The following TPH2 variants were observed in gnomAD, a reference collection of about 807,000 sequenced individuals.
The protein encoded by TPH2 is tryptophan hydroxylase 2.
In TPH2, 27 loss-of-function variants were observed where a neutral mutation model predicts 59.1. The ratio of observed to expected loss-of-function variants is 0.46; its 90% confidence interval spans 0.34 to 0.63. TPH2 has a LOEUF of 0.63. Among genes scored for constraint, TPH2 ranks in the 30% least tolerant of loss-of-function variants. The pLI, the probability that TPH2 is intolerant of heterozygous loss-of-function variation, is 0.01. For synonymous variants in TPH2, 220 were observed against 210.5 expected (o/e 1.05, Z -0.39); for missense variants, 523 against 588.3 (o/e 0.89, Z 1.15).
chr12:71,970,772 C>T (rs547995676), intron 5 of TPH2, among the ~76,000 whole-genome samples: 2 of 152,268 alleles, frequency 1.3e-5, no homozygotes, highest in African/African-American at 4.8e-5. Context: ...AAATATTTGC[C>T]AGGTTGTAAT....
chr12:72,030,334 T>C (rs1873686992), intron 9 of TPH2, among the ~76,000 whole-genome samples: 1 of 152,130 alleles, frequency 6.6e-6, no homozygotes, highest in South Asian at 2.1e-4. Context: ...CCAAATGAAA[T>C]TGAGACCCTG....
At chr12:72,023,697 C>T (rs867070897) in intron 9 of TPH2, among the ~76,000 whole-genome samples, 29 of 151,552 alleles carry the variant, frequency 1.9e-4, no homozygotes, top group Admixed American at 2.6e-4. Flanking sequence ...GGCATGATGG[C>T]GGGTACCTGT....
At chr12:72,004,383 A>C (rs1004900182) in intron 8 of TPH2, among the ~76,000 whole-genome samples, 7 of 150,448 alleles carry the variant, frequency 4.7e-5, no homozygotes, top group African/African-American at 1.7e-4. Flanking sequence ...TGTCATACCC[A>C]GGTCTGGAAA....
At chr12:72,008,601 C>T (rs1274005885) in intron 8 of TPH2, among the ~76,000 whole-genome samples, 1 of 152,264 alleles carries the variant, frequency 6.6e-6, no homozygotes, top group East Asian at 1.9e-4. Context: ...CACACACATT[C>T]GGTGCTTAAT....
At chr12:71,957,127 C>T (rs1204735336) in intron 5 of TPH2, among the ~76,000 whole-genome samples, 1 of 152,096 alleles carries the variant, frequency 6.6e-6, no homozygotes, top group Non-Finnish European at 1.5e-5. Flanking sequence ...CTCTCTAATT[C>T]TCAAGCTGTC....
Position 71,972,602 on chromosome 12 carries a change from A to G in TPH2, c.692A>G (p.Tyr231Cys). Residue 231 changes from tyrosine to cysteine, a missense_variant, in exon 6 of 11, where the codon TAT becomes TGT. Transcript: ENST00000333850. Reference sequence around the variant, plus strand: ...GTATTCCGGGAGCTCTCCAAACTCTATCCCACTCATGCTTGCCGAGAGTAT... The same window carrying G: ...GTATTCCGGGAGCTCTCCAAACTCTGTCCCACTCATGCTTGCCGAGAGTAT... ...GVVFRELSKL[Y>C]PTHACREYLK... is the part of the protein sequence containing the mutation. 6.2e-7 allele frequency: 1 copy of G among 1,614,138 alleles called. No individual in the cohort carries two copies. The highest frequency in any genetic ancestry group is 8.5e-7 in the Non-Finnish European group (1 of 1,180,018).
chr12:72,008,778 G>T (rs541470500), intron 8 of TPH2, among the ~76,000 whole-genome samples: 1 of 152,090 alleles, frequency 6.6e-6, no homozygotes, highest in Non-Finnish European at 1.5e-5. Flanking sequence ...AGGAGTTTAG[G>T]GTGTTAGGGT....
At chr12:72,015,315 G>GTTTTTTTT (rs869231666) in intron 8 of TPH2, among the ~76,000 whole-genome samples, 6 of 98,952 alleles carry the variant, frequency 6.1e-5, no homozygotes, top group Admixed American at 1.1e-4. Context: ...TTTTTTGGTT[G>GTTTTTTTT]TTTTTTTTTT....
At chr12:72,023,820 A>AG (rs1873492673) in intron 9 of TPH2, among the ~76,000 whole-genome samples, 3 of 149,546 alleles carry the variant, frequency 2.0e-5, no homozygotes, top group Admixed American at 6.7e-5. Flanking sequence ...AGACTCTGAC[A>AG]GAAAAAAAAA....
chr12:71,977,401 T>C (rs1872151148), intron 6 of TPH2, among the ~76,000 whole-genome samples: 1 of 152,084 alleles, frequency 6.6e-6, no homozygotes, highest in African/African-American at 2.4e-5. Flanking sequence ...GTTAATAATA[T>C]CATATTACAT....
At position 71,944,727 on chromosome 12, in the gene TPH2, G is replaced by C. The variant is rs377256110; in HGVS notation, c.540+41G>C. On this transcript the variant is annotated intron_variant, in intron 4 of 10. Transcript: ENST00000333850. ...AATCTATTTCTCACATGCTCTTTCA[G>C]CTCCACCCATGTGCCAGGCACTGTG... 81 of 1,564,322 alleles carry C rather than the reference G, an allele frequency of 5.2e-5. No individual in the cohort carries two copies. The African/African-American group carries it at 1.0e-3, about 20-fold the overall frequency.
At chr12:71,960,249 A>G (rs1871640743) in intron 5 of TPH2, among the ~76,000 whole-genome samples, 1 of 152,200 alleles carries the variant, frequency 6.6e-6, no homozygotes. Flanking sequence ...GTAGAATTCA[A>G]ATATCTTTCT....
intron 5 of TPH2, among the ~76,000 whole-genome samples, chr12:71,971,318 T>C (rs760320675): frequency 1.3e-5 from 2 of 152,178 alleles, no homozygotes; most frequent in Non-Finnish European, 2.9e-5. Flanking sequence ...GTATATTTGC[T>C]AATTGCAGAG....
Position 71,973,946 on chromosome 12 carries a change from T to C in TPH2, c.805+1231T>C, listed in dbSNP as rs78264363. On this transcript the variant is annotated intron_variant, in intron 6 of 10. Transcript: ENST00000333850. ...CACTGACAACACCTCCTTGGAACAA[T>C]AGCTGGGAAATAGGCTTGTGAGGGG... Among the ~76,000 whole-genome samples the C allele has an allele frequency of 5.9e-3, 900 of 152,058 alleles. 12 individuals are homozygous for C. The highest frequency in any genetic ancestry group is 0.02 in the African/African-American group (830 of 41,472).
chr12:71,994,450 A>G lies in TPH2; in HGVS notation c.953A>G (p.His318Arg), dbSNP rs1445123310. ...GTCTTTTTTGTCAGAGACACATGCCATGAACTCTTGGGACATGTTCCACTA... is the reference window on the plus strand; with the variant it reads ...GTCTTTTTTGTCAGAGACACATGCCGTGAACTCTTGGGACATGTTCCACTA... ...PLYTPEPDTC[H>R]ELLGHVPLLA... is the part of the protein sequence containing the mutation. The change falls in exon 8 of 11, where the codon CAT becomes CGT. Residue 318 changes from histidine to arginine, a missense_variant. Physicochemically the swap from His to Arg is conservative, Grantham distance 29. Coordinates refer to ENST00000333850, the MANE Select transcript of TPH2 (RefSeq NM_173353.4). 2.5e-6 allele frequency: 4 copies of G among 1,613,958 alleles called. No homozygotes were observed. Among genetic ancestry groups the G allele is most frequent in the Non-Finnish European group, 3.4e-6 (4 of 1,179,826 alleles).
intron 2 of TPH2, among the ~76,000 whole-genome samples, chr12:71,943,613 T>C (rs2139178131): frequency 6.6e-6 from 1 of 152,278 alleles, no homozygotes; most frequent in African/African-American, 2.4e-5. Context: ...TTATTATCAT[T>C]ATTTTTTTAC....
At chr12:71,994,357 A>G in intron 7 of TPH2, 82 bp from the exon 8 acceptor site, 1 of 1,495,712 alleles carries the variant, frequency 6.7e-7, no homozygotes, top group South Asian at 1.1e-5. Flanking sequence ...ACAAGGTCTT[A>G]TTTAGGTTTT....
chr12:72,011,138 C>T (rs1873089141), intron 8 of TPH2, among the ~76,000 whole-genome samples: 1 of 152,098 alleles, frequency 6.6e-6, no homozygotes, highest in African/African-American at 2.4e-5. Flanking sequence ...GTAAGTTCAG[C>T]AAAGGGTCAT....
intron 8 of TPH2, among the ~76,000 whole-genome samples, chr12:71,997,674 T>C (rs1872727298): frequency 6.6e-6 from 1 of 152,146 alleles, no homozygotes; most frequent in Non-Finnish European, 1.5e-5. Context: ...TTCCCTGAAA[T>C]GTACCTGCTT....
Sources: allele counts gnomAD v4.1 joint callset (sites outside exome capture counted in the v4.1 genomes callset), GRCh38; gene constraint gnomAD v4.1.1; transcripts MANE v1.5; gene names NCBI Gene and HGNC (gene_info 2026-07-23, HGNC 2026-07-21).